The following ACOT13 variants were observed in gnomAD, a reference collection of about 807,000 sequenced individuals.
ACOT13 encodes the protein acyl-CoA thioesterase 13.
Under a neutral mutation model 11.8 loss-of-function variants are expected in ACOT13, and 10 were observed. That is an observed-to-expected ratio of 0.85 (90% CI 0.53 to 1.44). The LOEUF (loss-of-function observed/expected upper bound fraction) is 1.44. ACOT13 is among the 40% of genes most tolerant of loss of function. The pLI, the probability that ACOT13 is intolerant of heterozygous loss-of-function variation, is 0.00. For synonymous variants in ACOT13, 53 were observed against 61.0 expected (o/e 0.87, Z 0.61); for missense variants, 172 against 174.1 (o/e 0.99, Z 0.07).
rs1056317 is a variant in ACOT13 at position 24,702,686 on chromosome 6, A to G, written c.*1071A>G. On this transcript the variant is annotated 3_prime_UTR_variant, in exon 3 of 3. Coordinates refer to ENST00000230048, the MANE Select transcript of ACOT13 (RefSeq NM_018473.4). ...GAACTACAGCCCATATTGAAAAATA[A>G]AATAGATTGAGCCATATGCCTAAAA... 1 of 152,170 alleles carries G rather than the reference A, an allele frequency of 6.6e-6. No individual in the cohort carries two copies. The highest frequency in any genetic ancestry group is 1.5e-5 in the Non-Finnish European group (1 of 68,026). The allele number at this position is 152,170 out of a possible 1,614,324, so 9.4% of individuals were successfully genotyped here.
rs778950052 is a variant in ACOT13, at chr6:24,667,242, AAAGGCTGGAAAACCGTCCACG to A, written c.-20_1del. 6.8e-6 allele frequency: 11 copies of A among 1,613,064 alleles called. No individual in the cohort carries two copies. In the African/African-American group the frequency reaches 1.5e-4, roughly 22 times the overall value. On this transcript the variant is annotated 5_prime_UTR_variant, in exon 1 of 3. Transcript: ENST00000230048. ...CGAAGTTCGTTCTTGCGCAAAGCCC[AAAGGCTGGAAAACCGTCCACG>A]ATGACCAGCATGACTCAGTCTCTGC...
intron 1 of ACOT13, among the ~76,000 whole-genome samples, chr6:24,681,421 G>C (rs1417484745): frequency 6.6e-6 from 1 of 152,214 alleles, no homozygotes; most frequent in Non-Finnish European, 1.5e-5. Context: ...GAGTATTATA[G>C]AGTCATAGAG....
Position 24,668,602 on chromosome 6 carries a change from T to C in ACOT13, c.81+1258T>C, listed in dbSNP as rs918396295. ...GCAGCTCAGGGGCCCTAATACCCCA[T>C]TGAAGTCTCCTATTGGCCACTTGGT... is the stretch of plus-strand genomic sequence containing the variant. On this transcript the variant is annotated intron_variant, in intron 1 of 2. Transcript: ENST00000230048. Among the ~76,000 whole-genome samples, 7 of 152,214 alleles carry C rather than the reference T, an allele frequency of 4.6e-5. No individual in the cohort carries two copies. The South Asian group carries it at 8.3e-4, about 18-fold the overall frequency.
intron 2 of ACOT13, 29 bp from the exon 3 acceptor site, chr6:24,701,430 G>T: frequency 6.3e-7 from 1 of 1,583,188 alleles, no homozygotes; most frequent in Non-Finnish European, 8.6e-7. Context: ...AAAATTATCT[G>T]CTGTTAACTA....
Position 24,704,984 on chromosome 6 carries a change from T to G in ACOT13, c.*3369T>G, listed in dbSNP as rs1387617718. 1 of 152,042 alleles carries G rather than the reference T, an allele frequency of 6.6e-6. No homozygotes were observed. Among genetic ancestry groups the G allele is most frequent in the African/African-American group, 2.4e-5 (1 of 41,312 alleles). 9.4% of individuals were successfully genotyped at this position (152,042 alleles called of 1,614,324 possible). Reference sequence around the variant, plus strand: ...AATACAATTGGAAACTGGTAAGCACTAGTTTTACTCCAAAGGAGTAGGATC... The same window carrying G: ...AATACAATTGGAAACTGGTAAGCACGAGTTTTACTCCAAAGGAGTAGGATC... On this transcript the variant is annotated 3_prime_UTR_variant, in exon 3 of 3. Transcript: ENST00000230048.
At chr6:24,674,350 C>G (rs1157360459) in intron 1 of ACOT13, among the ~76,000 whole-genome samples, 1 of 152,114 alleles carries the variant, frequency 6.6e-6, no homozygotes, top group Non-Finnish European at 1.5e-5. Flanking sequence ...GCCGCTGCCC[C>G]TGGCCTAAAT....
intron 1 of ACOT13, among the ~76,000 whole-genome samples, chr6:24,692,517 A>T (rs1318877170): frequency 6.6e-6 from 1 of 152,154 alleles, no homozygotes; most frequent in South Asian, 2.1e-4. Flanking sequence ...CTTGGGCTCA[A>T]GCGATCCTCC....
Position 24,704,432 on chromosome 6 carries a change from G to A in ACOT13, c.*2817G>A, listed in dbSNP as rs1010287731. ...TCAACATGGTAAATTAAGAGCATAGGCCTTAAGAGCCAGCCAGCCTGGTTT... is the reference window on the plus strand; with the variant it reads ...TCAACATGGTAAATTAAGAGCATAGACCTTAAGAGCCAGCCAGCCTGGTTT... On this transcript the variant is annotated 3_prime_UTR_variant, in exon 3 of 3. Transcript: ENST00000230048. 2 of 152,192 alleles carry A rather than the reference G, an allele frequency of 1.3e-5. No homozygotes were observed. Among genetic ancestry groups the A allele is most frequent in the African/African-American group, 2.4e-5 (1 of 41,446 alleles). 9.4% of individuals were successfully genotyped at this position (152,192 alleles called of 1,614,324 possible). A position where few individuals can be genotyped will look rare whatever the true frequency, so the allele number is the denominator to read the frequency against.
chr6:24,688,186 A>AT (rs567447725), intron 1 of ACOT13, among the ~76,000 whole-genome samples: 239 of 150,822 alleles, frequency 1.6e-3, no homozygotes, highest in Non-Finnish European at 2.2e-3. Context: ...AAAATAAGGC[A>AT]TTTTTTTTTC....
At position 24,704,936 on chromosome 6, in the gene ACOT13, T is replaced by C; in HGVS notation, c.*3321T>C. On this transcript the variant is annotated 3_prime_UTR_variant, in exon 3 of 3. Transcript: ENST00000230048. ...TTTTCTTTTTCTTTTTTTCTTTTTTTTTCAAATTCCAACCAGAAGCTAAAT... is the reference window on the plus strand; with the variant it reads ...TTTTCTTTTTCTTTTTTTCTTTTTTCTTCAAATTCCAACCAGAAGCTAAAT... The C allele has an allele frequency of 6.6e-6, 1 of 152,450 alleles. No homozygotes were observed. Among genetic ancestry groups the C allele is most frequent in the Non-Finnish European group, 1.5e-5 (1 of 67,986 alleles). The allele number at this position is 152,450 out of a possible 1,614,324, so 9.4% of individuals were successfully genotyped here.
Position 24,697,972 on chromosome 6 carries a change from C to T in ACOT13, c.171C>T (p.Gly57=), listed in dbSNP as rs769582127. The T allele has an allele frequency of 9.3e-6, 15 of 1,613,830 alleles. No individual in the cohort carries two copies. The highest frequency in any genetic ancestry group is 4.5e-5 in the East Asian group (2 of 44,864). The change falls in exon 2 of 3, where the codon GGC becomes GGT. Residue 57 remains glycine, a synonymous_variant. Coordinates refer to ENST00000230048, the MANE Select transcript of ACOT13 (RefSeq NM_018473.4). ...CCAATGCAATAGGCACTCTCCACGG[C>T]GGTTTGACAGCCACGTTAGTAGATA... ...EHTNAIGTLH[G]GLTATLVDNI... is the part of the protein sequence containing the mutation.
At chr6:24,671,277 C>CA (rs1460694370) in intron 1 of ACOT13, among the ~76,000 whole-genome samples, 1 of 152,116 alleles carries the variant, frequency 6.6e-6, no homozygotes, top group East Asian at 1.9e-4. Flanking sequence ...GAATACTATG[C>CA]AGCCATAAAA....
rs1225444754 is a variant in ACOT13 at position 24,703,937 on chromosome 6, T to TA, written c.*2323dup. On this transcript the variant is annotated 3_prime_UTR_variant, in exon 3 of 3. Coordinates refer to ENST00000230048, the MANE Select transcript of ACOT13 (RefSeq NM_018473.4). ...AAATTGCCCTGTACTCCAAAAAACA[T>TA]AGAGGTCATGGAACACATAAAGGCT... 6 of 152,092 alleles carry TA rather than the reference T, an allele frequency of 3.9e-5. No homozygotes were observed. Among genetic ancestry groups the TA allele is most frequent in the Admixed American group, 1.3e-4 (2 of 15,262 alleles). 9.4% of individuals were successfully genotyped at this position (152,092 alleles called of 1,614,324 possible). A position where few individuals can be genotyped will look rare whatever the true frequency, so the allele number is the denominator to read the frequency against.
chr6:24,673,256 T>C (rs1778390619), intron 1 of ACOT13, among the ~76,000 whole-genome samples: 1 of 152,200 alleles, frequency 6.6e-6, no homozygotes, highest in Non-Finnish European at 1.5e-5. Flanking sequence ...ACACTTCCTT[T>C]AGACCTTTAA....
Position 24,702,938 on chromosome 6 carries a change from C to T in ACOT13, c.*1323C>T, listed in dbSNP as rs1581389953. Reference sequence around the variant, plus strand: ...TCTGAGACAGCTTCTGTCACTCAGGCTGGAGTGATACAATCACAGCTTCCC... The same window carrying T: ...TCTGAGACAGCTTCTGTCACTCAGGTTGGAGTGATACAATCACAGCTTCCC... On this transcript the variant is annotated 3_prime_UTR_variant, in exon 3 of 3. Transcript: ENST00000230048. The T allele has an allele frequency of 6.6e-6, 1 of 152,268 alleles. No homozygotes were observed. Among genetic ancestry groups the T allele is most frequent in the Non-Finnish European group, 1.5e-5 (1 of 68,076 alleles). The allele number at this position is 152,268 out of a possible 1,614,324, so 9.4% of individuals were successfully genotyped here. A position where few individuals can be genotyped will look rare whatever the true frequency, so the allele number is the denominator to read the frequency against.
intron 2 of ACOT13, among the ~76,000 whole-genome samples, chr6:24,699,039 C>CTCAATTCCA (rs1778847226): frequency 6.6e-6 from 1 of 152,176 alleles, no homozygotes; most frequent in East Asian, 1.9e-4. Context: ...TCAATTCCAA[C>CTCAATTCCA]ATAAACTGGT....
At chr6:24,691,570 G>C (rs2127626771) in intron 1 of ACOT13, among the ~76,000 whole-genome samples, 1 of 152,204 alleles carries the variant, frequency 6.6e-6, no homozygotes, top group Middle Eastern at 3.4e-3. Flanking sequence ...ATTCCTGTAA[G>C]TTCTTTTTTT....
intron 2 of ACOT13, among the ~76,000 whole-genome samples, chr6:24,699,703 C>T (rs919717069): frequency 1.1e-4 from 16 of 152,156 alleles, no homozygotes; most frequent in African/African-American, 3.9e-4. Context: ...TTCAGCAGTC[C>T]TTATTTCATG....
At chr6:24,687,569 C>G in intron 1 of ACOT13, 2 of 1,443,506 alleles carry the variant, frequency 1.4e-6, no homozygotes, top group South Asian at 1.5e-5. Context: ...AAGGTGAATA[C>G]CTGAATGAGA....
Sources: allele counts gnomAD v4.1 joint callset (sites outside exome capture counted in the v4.1 genomes callset), GRCh38; gene constraint gnomAD v4.1.1; transcripts MANE v1.5; gene names NCBI Gene and HGNC (gene_info 2026-07-23, HGNC 2026-07-21).